Variants in MACO1 observed in about 807,000 individuals in gnomAD.
MACO1 encodes macoilin.
Under a neutral mutation model 78.7 loss-of-function variants are expected in MACO1, and 14 were observed. The ratio of observed to expected loss-of-function variants is 0.18; its 90% CI spans 0.12 to 0.28. The LOEUF (loss-of-function observed/expected upper bound fraction) is 0.28, where lower values mean the gene tolerates loss of function less well. Among genes scored for constraint, MACO1 ranks in the 10% least tolerant of loss-of-function variants. The probability of loss-of-function intolerance (pLI) is 1.00; values close to 1 mark genes in which losing one functional copy is unlikely to be tolerated. For synonymous variants in MACO1, 288 were observed against 291.6 expected, an observed-to-expected ratio of 0.99 and a Z score of 0.12; for missense variants, 501 against 799.0, an observed-to-expected ratio of 0.63 and a Z score of 4.50.
At chr1:25,466,077 G>A (rs1215224683) in intron 6 of MACO1, among the ~76,000 whole-genome samples, 4 of 152,174 alleles carry the variant, frequency 2.6e-5, no homozygotes, top group Admixed American at 2.6e-4. Flanking sequence ...AAACATACAA[G>A]TGCAGGTATA....
At chr1:25,449,056 C>T (rs2043041059) in intron 3 of MACO1, 122 bp downstream of exon 3, 1 of 857,284 alleles carries the variant, frequency 1.2e-6, no homozygotes, top group Non-Finnish European at 1.6e-6. Context: ...GTTTTCTTTT[C>T]TTAATAGGTT....
chr1:25,462,700 A>G (rs1571969364), intron 6 of MACO1, among the ~76,000 whole-genome samples: 1 of 112,986 alleles, frequency 8.9e-6, no homozygotes, highest in African/African-American at 2.8e-5. Flanking sequence ...TTTGGGGGGA[A>G]AATTCATTAC....
chr1:25,489,533 T>C (rs1192746034), intron 9 of MACO1, among the ~76,000 whole-genome samples: 2 of 152,206 alleles, frequency 1.3e-5, no homozygotes, highest in African/African-American at 4.8e-5. Context: ...TGGTATGTTT[T>C]ATACCAGGAT....
chr1:25,450,799 A>C (rs1314258676), intron 3 of MACO1, among the ~76,000 whole-genome samples: 1 of 152,122 alleles, frequency 6.6e-6, no homozygotes, highest in East Asian at 1.9e-4. Context: ...CCTGGGCCTC[A>C]GTTTCTAGTG....
intron 7 of MACO1, among the ~76,000 whole-genome samples, chr1:25,484,616 C>G (rs1005348634): frequency 2.0e-5 from 3 of 152,056 alleles, no homozygotes; most frequent in African/African-American, 7.2e-5. Flanking sequence ...GTGAAAATTT[C>G]TAGAGGATTT....
In MACO1 at chr1:25,500,152, A is replaced by G. The variant is rs550344616; in HGVS notation, c.*1686A>G. ...TTCGTTAAATACTGGTCTTGGCTGC[A>G]TTCTTTTTTTTTTTTCCTGTGGGGT... On this transcript the variant is annotated 3_prime_UTR_variant, in exon 11 of 11. Transcript: ENST00000374343. 3.4e-5 allele frequency: 5 copies of G among 147,344 alleles called. No individual in the cohort carries two copies. The highest frequency in any genetic ancestry group is 1.3e-4 in the Admixed American group (2 of 14,980). 9.1% of individuals were successfully genotyped at this position (147,344 alleles called of 1,614,324 possible).
chr1:25,452,311 A>G (rs2043073844), intron 3 of MACO1, among the ~76,000 whole-genome samples: 1 of 152,182 alleles, frequency 6.6e-6, no homozygotes, highest in African/African-American at 2.4e-5. Context: ...ATATCCCGTT[A>G]TTAGTCATGT....
chr1:25,475,233 T>C (rs928463117), intron 6 of MACO1, among the ~76,000 whole-genome samples: 4 of 152,054 alleles, frequency 2.6e-5, no homozygotes, highest in African/African-American at 9.7e-5. Context: ...TAGTCCCAGC[T>C]ACTCGGGAGG....
chr1:25,450,073 G>T (rs927751444), intron 3 of MACO1, among the ~76,000 whole-genome samples: 5 of 151,972 alleles, frequency 3.3e-5, no homozygotes, highest in African/African-American at 1.2e-4. Context: ...GGCCCTACCA[G>T]ACCATCGCCT....
chr1:25,472,669 C>T (rs890170378), intron 6 of MACO1, among the ~76,000 whole-genome samples: 3 of 152,102 alleles, frequency 2.0e-5, no homozygotes, highest in African/African-American at 4.8e-5. Context: ...GAGTAGTTTG[C>T]GGAAGAAAAT....
chr1:25,454,483 TATA>T (rs1176888001), intron 4 of MACO1, 101 bp downstream of exon 4: 1 of 164,034 alleles, frequency 6.1e-6, no homozygotes, highest in Non-Finnish European at 9.5e-6. Flanking sequence ...TATATATATA[TATA>T]TATTTTTTTT....
Position 25,484,271 on chromosome 1 carries a change from A to G in MACO1, c.1310A>G (p.Asn437Ser). 1.2e-6 allele frequency: 2 copies of G among 1,608,488 alleles called. No individual in the cohort carries two copies. Among genetic ancestry groups the G allele is most frequent in the Middle Eastern group, 1.9e-4 (1 of 5,336 alleles). Residue 437 changes from asparagine (N) to serine (S), a missense_variant, in exon 7 of 11, where the codon AAC becomes AGC. Coordinates refer to ENST00000374343, the MANE Select transcript of MACO1 (RefSeq NM_018202.6). Reference sequence around the variant, plus strand: ...CGGCAGGAGAACGAGCTGCTGCAGAACAAGTACGTGCACCTTTCAGGCCTT... The same window carrying G: ...CGGCAGGAGAACGAGCTGCTGCAGAGCAAGTACGTGCACCTTTCAGGCCTT... ...QLRQENELLQ[N>S]KLHNAVQMKQ...
Position 25,485,811 on chromosome 1 carries a change from C to T in MACO1, c.1496+16C>T, listed in dbSNP as rs777297801. ...CTGCATCTAGGTATGTCCATGTCAC[C>T]TGAGTGTTTAATCCAAGGTTGGCTT... is the stretch of plus-strand genomic sequence containing the variant. On this transcript the variant is annotated intron_variant, in intron 8 of 10. Coordinates refer to ENST00000374343, the MANE Select transcript of MACO1 (RefSeq NM_018202.6). This position sits in a 1 kb window ranked among gnomAD's most constrained non-coding sequence, Gnocchi z 4.3. 3.1e-6 allele frequency: 5 copies of T among 1,595,706 alleles called. No homozygotes were observed. Among genetic ancestry groups the T allele is most frequent in the Non-Finnish European group, 4.3e-6 (5 of 1,172,032 alleles).
chr1:25,486,154 AT>A (rs1282676485), intron 8 of MACO1, among the ~76,000 whole-genome samples: 1 of 152,226 alleles, frequency 6.6e-6, no homozygotes, highest in Non-Finnish European at 1.5e-5. Flanking sequence ...TTAGAGAGCT[AT>A]CATTACTCTC....
intron 6 of MACO1, among the ~76,000 whole-genome samples, chr1:25,483,849 G>C (rs1340995489): frequency 2.6e-5 from 4 of 152,166 alleles, no homozygotes; most frequent in African/African-American, 9.7e-5. Flanking sequence ...AGCTCGGATG[G>C]ATATTCACAA....
At chr1:25,482,596 C>A (rs114598419) in intron 6 of MACO1, among the ~76,000 whole-genome samples, 1,537 of 152,294 alleles carry the variant, frequency 0.01, 26 homozygotes, top group African/African-American at 0.034. Flanking sequence ...AACATCAGGG[C>A]CCAAGTCAAT....
At chr1:25,495,855 G>A (rs573040894) in intron 10 of MACO1, among the ~76,000 whole-genome samples, 2 of 152,210 alleles carry the variant, frequency 1.3e-5, no homozygotes, top group Non-Finnish European at 2.9e-5. Flanking sequence ...CCAGCTACTC[G>A]GGAGGCTGAG....
In MACO1 at chr1:25,499,711, G is replaced by T. The variant is rs1423931202; in HGVS notation, c.*1245G>T. 1 of 151,506 alleles carries T rather than the reference G, an allele frequency of 6.6e-6. No individual in the cohort carries two copies. Among genetic ancestry groups the T allele is most frequent in the Non-Finnish European group, 1.5e-5 (1 of 67,890 alleles). 9.4% of individuals were successfully genotyped at this position (151,506 alleles called of 1,614,324 possible). ...GGGGGTGGCGGGAGGGACCGGGTGG[G>T]GGCAATGCAAAATTGTATTTGGAAA... On this transcript the variant is annotated 3_prime_UTR_variant, in exon 11 of 11. Coordinates refer to ENST00000374343, the MANE Select transcript of MACO1 (RefSeq NM_018202.6).
At chr1:25,480,928 AAATATATATATATATATATATATATAT>A (rs1452157391) in intron 6 of MACO1, among the ~76,000 whole-genome samples, 8 of 26,900 alleles carry the variant, frequency 3.0e-4, no homozygotes, top group African/African-American at 9.7e-4. Context: ...AAAAAAAAAA[AAATATATATATATATATATATATATAT>A]ATATATATAT....
Sources: allele counts gnomAD v4.1 joint callset (sites outside exome capture counted in the v4.1 genomes callset), GRCh38; gene constraint gnomAD v4.1.1; non-coding constraint Gnocchi (gnomAD v3.1); transcripts MANE v1.5; gene names NCBI Gene and HGNC (gene_info 2026-07-23, HGNC 2026-07-21).